The following NCKAP1 variants were observed in gnomAD, a reference collection of about 807,000 sequenced individuals.
NCKAP1 encodes nck-associated protein 1.
NCKAP1 carries 21 observed loss-of-function variants against 151.2 expected under a neutral mutation model. That is an observed-to-expected ratio of 0.14 (90% confidence interval 0.10 to 0.20). NCKAP1 has a LOEUF of 0.20. NCKAP1 is among the 10% of genes least tolerant of loss of function. The pLI is 1.00. For missense variants in NCKAP1, 933 were observed against 1,352.1 expected (o/e 0.69, Z 4.86); for synonymous variants, 484 against 451.8 (o/e 1.07, Z -0.90).
In NCKAP1 at chr2:182,972,700, C is replaced by G. The variant is rs577681466; in HGVS notation, c.1482+4193G>C. Among the ~76,000 whole-genome samples, 4 of 152,200 alleles carry G rather than the reference C, an allele frequency of 2.6e-5. No individual in the cohort carries two copies. The East Asian group carries it at 5.8e-4, about 22-fold the overall frequency. ...AATAGATAAATGGTAAATATATACA[C>G]AATGGAATATTATTATGCCATAAAA... On this transcript the variant is annotated intron_variant, in intron 15 of 30. Transcript: ENST00000361354.
Position 182,942,175 on chromosome 2 carries a change from AG to A in NCKAP1, c.2602-13del. 5.7e-6 allele frequency: 9 copies of A among 1,583,978 alleles called. No individual in the cohort carries two copies. The highest frequency in any genetic ancestry group is 2.2e-5 in the East Asian group (1 of 44,770). ...TCCACCACAAGTTTCTAAAAAAAAAAGAAAGATCCTAGGTCAGGCACAGACC... is the reference window on the plus strand; with the variant it reads ...TCCACCACAAGTTTCTAAAAAAAAAAAAAGATCCTAGGTCAGGCACAGACC... On this transcript the variant is annotated splice_polypyrimidine_tract_variant and intron_variant, in intron 23 of 30. Coordinates refer to ENST00000361354, the MANE Select transcript of NCKAP1 (RefSeq NM_013436.5).
chr2:182,987,682 A>G (rs1015288416), intron 9 of NCKAP1, among the ~76,000 whole-genome samples: 1 of 152,204 alleles, frequency 6.6e-6, no homozygotes, highest in African/African-American at 2.4e-5. Context: ...GATATTAATA[A>G]AAGTTTCATG....
At chr2:182,992,079 T>G (rs1331908431) in intron 8 of NCKAP1, among the ~76,000 whole-genome samples, 1 of 152,176 alleles carries the variant, frequency 6.6e-6, no homozygotes, top group Non-Finnish European at 1.5e-5. Context: ...AGGTCTTGGG[T>G]AGGGACCAAG....
chr2:182,926,922 C>T lies in NCKAP1; in HGVS notation c.3181-17G>A, dbSNP rs1330621255. On this transcript the variant is annotated splice_polypyrimidine_tract_variant and intron_variant, in intron 29 of 30. Coordinates refer to ENST00000361354, the MANE Select transcript of NCKAP1 (RefSeq NM_013436.5). ...GGATGCAAGCTTAAAAGTATACATA[C>T]ACATAAAGTGAGTTTGTTAATAAAA... 8 of 1,529,922 alleles carry T rather than the reference C, an allele frequency of 5.2e-6. No homozygotes were observed. The highest frequency in any genetic ancestry group is 4.5e-5 in the East Asian group (2 of 44,062). The allele number at this position is 1,529,922 out of a possible 1,614,324, so 94.8% of individuals were successfully genotyped here.
intron 26 of NCKAP1, among the ~76,000 whole-genome samples, chr2:182,931,393 C>T (rs902578165): frequency 1.3e-5 from 2 of 151,736 alleles, no homozygotes; most frequent in African/African-American, 2.4e-5. Flanking sequence ...TCTGATATTG[C>T]GACAAAAAAC....
chr2:183,037,952 C>CCCGCCCGCCT, intron 1 of NCKAP1, 40 bp downstream of exon 1: 1 of 1,512,486 alleles, frequency 6.6e-7, no homozygotes, highest in Non-Finnish European at 8.9e-7. Flanking sequence ...CCCTCCCGGG[C>CCCGCCCGCCT]CCGCCCGCCT....
chr2:183,001,989 T>C lies in NCKAP1; in HGVS notation c.567A>G (p.Leu189=). The change falls in exon 6 of 31, where the codon TTA becomes TTG. Residue 189 remains leucine, a synonymous_variant. Transcript: ENST00000361354. ...GQMIVDYENP[L]KKMMEEFVPH... ...GTACAAATTCTTCCATCATCTTCTT[T>C]AAAGGGTTTTCATAATCCACAATCA... 6.2e-7 allele frequency: 1 copy of C among 1,613,900 alleles called. No individual in the cohort carries two copies. The highest frequency in any genetic ancestry group is 1.3e-5 in the African/African-American group (1 of 75,042).
chr2:183,002,444 A>T (rs1698391758), intron 4 of NCKAP1, among the ~76,000 whole-genome samples, 175 bp from the exon 5 acceptor site: 1 of 152,126 alleles, frequency 6.6e-6, no homozygotes, highest in Non-Finnish European at 1.5e-5. Context: ...AGTTACAGAT[A>T]ACAGTTTTGT....
intron 2 of NCKAP1, among the ~76,000 whole-genome samples, chr2:183,016,468 T>C (rs1317543622): frequency 6.6e-6 from 1 of 152,230 alleles, no homozygotes; most frequent in Admixed American, 6.5e-5. Context: ...AACATTGACA[T>C]TTCAGTTAAT....
chr2:182,980,198 T>C (rs1697909150), intron 13 of NCKAP1, among the ~76,000 whole-genome samples: 1 of 152,054 alleles, frequency 6.6e-6, no homozygotes, highest in Non-Finnish European at 1.5e-5. Flanking sequence ...TCTGTTCCCT[T>C]TTTAAATGAC....
rs1032317688 is a variant in NCKAP1 at position 183,033,309 on chromosome 2, ACT to A, written c.108+4681_108+4682del. ...CCTCTGTATATCCTACTGAATAAAA[ACT>A]CTGCAATCTGAAATAGTAACTAGTT... On this transcript the variant is annotated intron_variant, in intron 1 of 30. Coordinates refer to ENST00000361354, the MANE Select transcript of NCKAP1 (RefSeq NM_013436.5). 2.5e-4 allele frequency among the ~76,000 whole-genome samples: 38 copies of A among 152,268 alleles called. 1 individual carries two copies. The highest frequency in any genetic ancestry group is 8.9e-4 in the African/African-American group (37 of 41,556).
chr2:183,035,374 A>G (rs1412849310), intron 1 of NCKAP1, among the ~76,000 whole-genome samples: 1 of 152,148 alleles, frequency 6.6e-6, no homozygotes, highest in Non-Finnish European at 1.5e-5. Flanking sequence ...ATTTTACTTA[A>G]CTATTTTTCA....
At position 182,917,117 on chromosome 2, in the gene NCKAP1, G is replaced by T. The variant is rs1050915217; in HGVS notation, c.*8585C>A. ...TCCCCACCATCTCATCAATTTATAC[G>T]CATGATCTTATTTTAATGCTTACAA... On this transcript the variant is annotated 3_prime_UTR_variant, in exon 31 of 31. Coordinates refer to ENST00000361354, the MANE Select transcript of NCKAP1 (RefSeq NM_013436.5). 1 of 152,086 alleles carries T rather than the reference G, an allele frequency of 6.6e-6. No individual in the cohort carries two copies. The highest frequency in any genetic ancestry group is 2.4e-5 in the African/African-American group (1 of 41,390). 9.4% of individuals were successfully genotyped at this position (152,086 alleles called of 1,614,324 possible). A position where few individuals can be genotyped will look rare whatever the true frequency, so the allele number is the denominator to read the frequency against.
chr2:182,935,252 ATTGT>A, intron 25 of NCKAP1, 37 bp downstream of exon 25: 1 of 1,270,474 alleles, frequency 7.9e-7, no homozygotes, highest in Non-Finnish European at 1.1e-6. Flanking sequence ...ATTAAAAGGG[ATTGT>A]TTGGATACCG....
chr2:182,935,160 T>C (rs1696848554), intron 25 of NCKAP1, 133 bp downstream of exon 25: 1 of 700,242 alleles, frequency 1.4e-6, no homozygotes, highest in African/African-American at 1.9e-5. Flanking sequence ...ATGTATGTTA[T>C]TTTCTGTAAC....
intron 1 of NCKAP1, among the ~76,000 whole-genome samples, chr2:183,025,804 T>C (rs1164684288): frequency 2.0e-5 from 3 of 152,294 alleles, no homozygotes; most frequent in Non-Finnish European, 2.9e-5. Flanking sequence ...CCTTACATAA[T>C]CACATAATAA....
At chr2:182,933,792 C>G (rs1696814757) in intron 26 of NCKAP1, among the ~76,000 whole-genome samples, 1 of 151,992 alleles carries the variant, frequency 6.6e-6, no homozygotes. Context: ...CGGTGTTTTT[C>G]AAGATATGTG....
Position 182,962,287 on chromosome 2 carries a change from G to A in NCKAP1, c.1762-9C>T. On this transcript the variant is annotated splice_polypyrimidine_tract_variant and intron_variant, in intron 17 of 30. Transcript: ENST00000361354. Reference sequence around the variant, plus strand: ...TCTCCAATATGATGTCGCTGTGAAGGCAGAATAATAATAATAATACAAGTT... The same window carrying A: ...TCTCCAATATGATGTCGCTGTGAAGACAGAATAATAATAATAATACAAGTT... The A allele has an allele frequency of 6.3e-7, 1 of 1,590,456 alleles. No homozygotes were observed. The highest frequency in any genetic ancestry group is 8.6e-7 in the Non-Finnish European group (1 of 1,163,446).
chr2:182,974,525 A>G (rs1437407312), intron 15 of NCKAP1, among the ~76,000 whole-genome samples: 5 of 152,198 alleles, frequency 3.3e-5, no homozygotes, highest in African/African-American at 9.7e-5. Context: ...AAATTTGAAC[A>G]TGAAATATGC....
Sources: allele counts gnomAD v4.1 joint callset (sites outside exome capture counted in the v4.1 genomes callset), GRCh38; gene constraint gnomAD v4.1.1; transcripts MANE v1.5; gene names NCBI Gene and HGNC (gene_info 2026-07-23, HGNC 2026-07-21).